The following ACVR1C variants were observed in gnomAD, a reference collection of about 807,000 sequenced individuals.
ACVR1C encodes the protein activin receptor type-1C.
Under a neutral mutation model 57.9 loss-of-function variants are expected in ACVR1C, and 23 were observed. The observed-to-expected ratio is 0.40, with a 90% CI of 0.29 to 0.56. The LOEUF is 0.56. ACVR1C is among the 20% of genes least tolerant of loss of function. ACVR1C has a pLI of 0.50. For synonymous variants in ACVR1C, 214 were observed against 215.3 expected (o/e 0.99, Z 0.05); for missense variants, 480 against 607.9 (o/e 0.79, Z 2.21).
At chr2:157,572,950 A>C (rs1369759033) in intron 2 of ACVR1C, among the ~76,000 whole-genome samples, 1 of 152,164 alleles carries the variant, frequency 6.6e-6, no homozygotes, top group Non-Finnish European at 1.5e-5. Context: ...CTCAGCATGC[A>C]CATGTCACCT....
intron 2 of ACVR1C, among the ~76,000 whole-genome samples, chr2:157,577,555 C>T (rs1256562236): frequency 6.6e-6 from 1 of 151,870 alleles, no homozygotes; most frequent in South Asian, 2.1e-4. Context: ...TCTGTTTTGT[C>T]TTCTATTAAT....
At chr2:157,570,715 G>A (rs1434296104) in intron 2 of ACVR1C, among the ~76,000 whole-genome samples, 2 of 67,416 alleles carry the variant, frequency 3.0e-5, no homozygotes, top group Admixed American at 1.5e-4. Context: ...AAATAAAAGA[G>A]GACACAAACA....
chr2:157,564,604 G>C (rs577214540), intron 2 of ACVR1C, among the ~76,000 whole-genome samples: 1 of 152,064 alleles, frequency 6.6e-6, no homozygotes, highest in South Asian at 2.1e-4. Flanking sequence ...CCCATTACTG[G>C]GTATATACCC....
intron 1 of ACVR1C, among the ~76,000 whole-genome samples, chr2:157,596,329 G>C (rs1170146678): frequency 2.0e-5 from 3 of 151,780 alleles, no homozygotes; most frequent in Non-Finnish European, 4.4e-5. Context: ...TTCATTATTT[G>C]GGGGGTGGGG....
At position 157,587,427 on chromosome 2, in the gene ACVR1C, G is replaced by A; in HGVS notation, c.74-10C>T. 6.3e-7 allele frequency: 1 copy of A among 1,583,574 alleles called. No homozygotes were observed. The highest frequency in any genetic ancestry group is 1.1e-5 in the South Asian group (1 of 90,220). ...CATACACACTTCAGTCCTGGAAAGAGTAAGGCAAAAAGATTTAAAATACAA... is the reference window on the plus strand; with the variant it reads ...CATACACACTTCAGTCCTGGAAAGAATAAGGCAAAAAGATTTAAAATACAA... On this transcript the variant is annotated splice_polypyrimidine_tract_variant and intron_variant, in intron 1 of 8. Coordinates refer to ENST00000243349, the MANE Select transcript of ACVR1C (RefSeq NM_145259.3).
chr2:157,562,459 A>AAAAATAAAATAAAAT (rs145869067), intron 2 of ACVR1C, among the ~76,000 whole-genome samples: 27 of 108,192 alleles, frequency 2.5e-4, no homozygotes, highest in East Asian at 1.6e-3. Context: ...TACCAACCAA[A>AAAAATAAAATAAAAT]AAAATAAAAT....
At chr2:157,554,490 T>C (rs1688041901) in intron 3 of ACVR1C, among the ~76,000 whole-genome samples, 1 of 152,128 alleles carries the variant, frequency 6.6e-6, no homozygotes. Flanking sequence ...TTCTGGTTTT[T>C]AAAACTTTGC....
intron 1 of ACVR1C, among the ~76,000 whole-genome samples, chr2:157,622,654 T>A (rs1682806586): frequency 6.6e-6 from 1 of 152,116 alleles, no homozygotes; most frequent in African/African-American, 2.4e-5. Context: ...ATGAAACTAC[T>A]ACAAGAAAAC....
intron 1 of ACVR1C, among the ~76,000 whole-genome samples, chr2:157,624,675 C>T (rs1030698176): frequency 7.2e-5 from 11 of 152,172 alleles, no homozygotes; most frequent in African/African-American, 2.7e-4. Context: ...TTGGGAGTGA[C>T]ACATTGGGAG....
chr2:157,535,303 G>A (rs1279876423), intron 8 of ACVR1C, among the ~76,000 whole-genome samples: 1 of 152,046 alleles, frequency 6.6e-6, no homozygotes, highest in Non-Finnish European at 1.5e-5. Context: ...AAACATTGCA[G>A]TAAACCTGAG....
In ACVR1C at chr2:157,628,475, G is replaced by T. The variant is rs976799609; in HGVS notation, c.73+97C>A. 8 of 1,379,480 alleles carry T rather than the reference G, an allele frequency of 5.8e-6. No individual in the cohort carries two copies. The Admixed American group carries it at 8.0e-5, about 14-fold the overall frequency. 85.5% of individuals were successfully genotyped at this position (1,379,480 alleles called of 1,614,324 possible). Reference sequence around the variant, plus strand: ...CCCTGTCCGCCCCGAAGGTCAGTTTGCTCGGAGCACCCCCTGTCCCCCACC... The same window carrying T: ...CCCTGTCCGCCCCGAAGGTCAGTTTTCTCGGAGCACCCCCTGTCCCCCACC... On this transcript the variant is annotated intron_variant, in intron 1 of 8. Coordinates refer to ENST00000243349, the MANE Select transcript of ACVR1C (RefSeq NM_145259.3).
chr2:157,567,950 T>G (rs1573926226), intron 2 of ACVR1C, among the ~76,000 whole-genome samples: 1 of 79,300 alleles, frequency 1.3e-5, no homozygotes. Flanking sequence ...GAAAAAATGT[T>G]AAGGGCAGCC....
At chr2:157,588,775 C>A (rs534258999) in intron 1 of ACVR1C, among the ~76,000 whole-genome samples, 2 of 147,128 alleles carry the variant, frequency 1.4e-5, no homozygotes, top group African/African-American at 5.0e-5. Context: ...CTATTTCATT[C>A]TTTTTTATGG....
chr2:157,572,349 C>G (rs1222237901), intron 2 of ACVR1C, among the ~76,000 whole-genome samples: 1 of 137,024 alleles, frequency 7.3e-6, no homozygotes, highest in African/African-American at 2.8e-5. Context: ...ACATGTACCC[C>G]AAAACTTAGA....
At chr2:157,619,863 G>A (rs955980377) in intron 1 of ACVR1C, among the ~76,000 whole-genome samples, 8 of 151,936 alleles carry the variant, frequency 5.3e-5, no homozygotes, top group African/African-American at 1.9e-4. Flanking sequence ...ATGGTAAAAG[G>A]AGAGAAAATT....
chr2:157,550,342 C>T lies in ACVR1C; in HGVS notation c.595G>A (p.Glu199Lys). The change falls in exon 4 of 9, where the codon GAA becomes AAA. Residue 199 changes from glutamate (E) to lysine (K), a missense_variant. Transcript: ENST00000243349. ...RTIARTIVLQ[E>K]IVGKGRFGEV... is the part of the protein sequence containing the mutation. Reference sequence around the variant, plus strand: ...CCAAATCTACCTTTTCCTACTATTTCCTGAAGCACAATCGTCCTTGCAATT... The same window carrying T: ...CCAAATCTACCTTTTCCTACTATTTTCTGAAGCACAATCGTCCTTGCAATT... The T allele has an allele frequency of 6.2e-7, 1 of 1,614,160 alleles. No individual in the cohort carries two copies. Among genetic ancestry groups the T allele is most frequent in the Non-Finnish European group, 8.5e-7 (1 of 1,180,020 alleles).
intron 2 of ACVR1C, among the ~76,000 whole-genome samples, chr2:157,582,463 A>C (rs1474114233): frequency 3.3e-5 from 5 of 152,226 alleles, no homozygotes; most frequent in Non-Finnish European, 5.9e-5. Flanking sequence ...AAGAAAAATC[A>C]CATGATAATC....
At chr2:157,544,660 A>G in intron 4 of ACVR1C, 48 bp from the exon 5 acceptor site, 2 of 1,491,608 alleles carry the variant, frequency 1.3e-6, no homozygotes, top group Non-Finnish European at 1.8e-6. Context: ...ATTGAGAAAG[A>G]AGCCAAAAGC....
Position 157,550,361 on chromosome 2 carries a change from T to C in ACVR1C, c.576A>G (p.Ala192=). 1 of 1,614,206 alleles carries C rather than the reference T, an allele frequency of 6.2e-7. No individual in the cohort carries two copies. Among genetic ancestry groups the C allele is most frequent in the Non-Finnish European group, 8.5e-7 (1 of 1,180,028 alleles). Residue 192 remains alanine (A), a synonymous_variant, in exon 4 of 9, where the codon GCA becomes GCG. Coordinates refer to ENST00000243349, the MANE Select transcript of ACVR1C (RefSeq NM_145259.3). ...CTATTTCCTGAAGCACAATCGTCCT[T>C]GCAATTGTCCTTTGAACCAACAGAG... is the stretch of plus-strand genomic sequence containing the variant. ...GLPLLVQRTI[A]RTIVLQEIVG... is the part of the protein sequence containing the mutation.
Sources: gnomAD v4.1 joint callset for allele counts (sites outside exome capture counted in the v4.1 genomes callset) on GRCh38, gnomAD v4.1.1 for gene constraint, MANE v1.5 for transcripts, NCBI Gene and HGNC (gene_info 2026-07-23, HGNC 2026-07-21) for gene names.